Variants in STYX observed in about 807,000 individuals in gnomAD.
The protein encoded by STYX is serine/threonine/tyrosine interacting protein.
A neutral mutation model predicts 42.7 loss-of-function variants in STYX; 20 were observed. The observed-to-expected ratio is 0.47, with a 90% CI of 0.33 to 0.68. STYX has a LOEUF of 0.68. STYX is among the 30% of genes least tolerant of loss of function. The pLI is 0.02. For missense variants in STYX, 226 were observed against 268.5 expected, an observed-to-expected ratio of 0.84 and a Z score of 1.11; for synonymous variants, 78 against 81.9, an observed-to-expected ratio of 0.95 and a Z score of 0.26.
intron 3 of STYX, among the ~76,000 whole-genome samples, chr14:52,749,131 C>T (rs753167995): frequency 2.4e-4 from 36 of 152,302 alleles, no homozygotes; most frequent in Non-Finnish European, 3.5e-4. Flanking sequence ...GGTGAGGACC[C>T]TCTTGCTGGC....
chr14:52,748,529 G>C (rs961664758), intron 3 of STYX, among the ~76,000 whole-genome samples: 2 of 152,154 alleles, frequency 1.3e-5, no homozygotes, highest in African/African-American at 4.8e-5. Flanking sequence ...TAAACGGTTT[G>C]TTTTTGTAAA....
intron 1 of STYX, 131 bp from the exon 2 acceptor site, chr14:52,744,721 A>G (rs368433449): frequency 2.5e-6 from 2 of 811,930 alleles, no homozygotes; most frequent in Non-Finnish European, 1.9e-6. Context: ...CAAGTCTGCT[A>G]TTTTAATAAA....
At chr14:52,754,859 A>G (rs540362751) in intron 4 of STYX, among the ~76,000 whole-genome samples, 2 of 152,340 alleles carry the variant, frequency 1.3e-5, no homozygotes, top group Non-Finnish European at 2.9e-5. Context: ...TAATGGAAGA[A>G]CCATTTCTCC....
intron 1 of STYX, among the ~76,000 whole-genome samples, chr14:52,743,850 G>T (rs1881293047): frequency 6.6e-6 from 1 of 152,018 alleles, no homozygotes. Flanking sequence ...TTTAGACGGG[G>T]TCTCAGTCTG....
intron 10 of STYX, 42 bp from the exon 11 acceptor site, chr14:52,770,990 AT>A: frequency 6.3e-7 from 1 of 1,588,334 alleles, no homozygotes; most frequent in Non-Finnish European, 8.6e-7. Context: ...TTTAACATGA[AT>A]TTATTTTAGT....
chr14:52,750,175 A>T (rs1881554901), intron 3 of STYX, among the ~76,000 whole-genome samples: 1 of 152,204 alleles, frequency 6.6e-6, no homozygotes, highest in Non-Finnish European at 1.5e-5. Context: ...AAGGTTAATT[A>T]GATTCTGTGA....
intron 1 of STYX, among the ~76,000 whole-genome samples, chr14:52,736,051 C>T (rs1301657005): frequency 6.6e-6 from 1 of 152,170 alleles, no homozygotes; most frequent in Non-Finnish European, 1.5e-5. Context: ...TTGCTCCTTT[C>T]TCTGTAAGCC....
chr14:52,750,172 A>G (rs959077293), intron 3 of STYX, among the ~76,000 whole-genome samples: 5 of 152,182 alleles, frequency 3.3e-5, no homozygotes, highest in Admixed American at 2.6e-4. Context: ...TAAAAGGTTA[A>G]TTAGATTCTG....
At chr14:52,770,868 A>G (rs1882483737) in intron 10 of STYX, among the ~76,000 whole-genome samples, 165 bp from the exon 11 acceptor site, 1 of 152,134 alleles carries the variant, frequency 6.6e-6, no homozygotes, top group African/African-American at 2.4e-5. Context: ...AAAAGTTATA[A>G]TATTTAGGTA....
rs549026449 is a variant in STYX, at chr14:52,743,202, TA to T, written c.58-1639del. 6.7e-4 allele frequency among the ~76,000 whole-genome samples: 98 copies of T among 146,808 alleles called. 1 individual carries two copies. The highest frequency in any genetic ancestry group is 1.3e-3 in the African/African-American group (51 of 40,278). On this transcript the variant is annotated intron_variant, in intron 1 of 10. Transcript: ENST00000354586. Reference sequence around the variant, plus strand: ...AAAAATGTTTTCTGTTTCTCTTAGTTAAAAAAAAAAACCTGTCTCTCATTGT... The same window carrying T: ...AAAAATGTTTTCTGTTTCTCTTAGTTAAAAAAAAAACCTGTCTCTCATTGT...
At chr14:52,759,025 A>C (rs2139921766) in intron 8 of STYX, among the ~76,000 whole-genome samples, 1 of 152,334 alleles carries the variant, frequency 6.6e-6, no homozygotes, top group African/African-American at 2.4e-5. Context: ...CAGTACTATT[A>C]TAGGCACTTT....
intron 1 of STYX, among the ~76,000 whole-genome samples, chr14:52,734,273 T>A (rs1388338282): frequency 6.6e-6 from 1 of 152,042 alleles, no homozygotes. Flanking sequence ...GAAGTCGGGG[T>A]GAAACAGCCT....
At chr14:52,735,700 C>T (rs1238681463) in intron 1 of STYX, among the ~76,000 whole-genome samples, 1 of 152,124 alleles carries the variant, frequency 6.6e-6, no homozygotes, top group Non-Finnish European at 1.5e-5. Context: ...CCTGGAAATC[C>T]AAATTACAGA....
intron 4 of STYX, among the ~76,000 whole-genome samples, chr14:52,751,498 A>T (rs1288252438): frequency 1.3e-5 from 2 of 151,744 alleles, no homozygotes; most frequent in East Asian, 3.8e-4. Context: ...GATGTTGCAG[A>T]TTGTTTTCCA....
intron 1 of STYX, among the ~76,000 whole-genome samples, chr14:52,743,529 C>T (rs1336595228): frequency 3.9e-5 from 6 of 151,954 alleles, no homozygotes; most frequent in East Asian, 1.9e-4. Flanking sequence ...TGCATTGAGC[C>T]GAGATCGCGC....
intron 1 of STYX, among the ~76,000 whole-genome samples, chr14:52,735,755 G>C (rs546497238): frequency 6.6e-6 from 1 of 152,260 alleles, no homozygotes; most frequent in South Asian, 2.1e-4. Context: ...TTCAGGGAAT[G>C]CTTTTAATGT....
intron 1 of STYX, among the ~76,000 whole-genome samples, chr14:52,744,498 G>C (rs1340467933): frequency 3.9e-5 from 6 of 152,080 alleles, no homozygotes; most frequent in Admixed American, 3.9e-4. Context: ...CAGTTGATTA[G>C]AGTTGGCATG....
chr14:52,732,615 T>TA, intron 1 of STYX, among the ~76,000 whole-genome samples: 1 of 152,070 alleles, frequency 6.6e-6, no homozygotes, highest in East Asian at 1.9e-4. Context: ...AGGCTAGTTA[T>TA]AAAAATGAAT....
At position 52,745,931 on chromosome 14, in the gene STYX, G is replaced by C. The variant is rs1881378192; in HGVS notation, c.91-495G>C. On this transcript the variant is annotated intron_variant, in intron 2 of 10. Transcript: ENST00000354586. ...ATCAGTTTTATATACAAATAATTAT[G>C]ACTTATAGAACTGAACTATAAAGTT... is the stretch of plus-strand genomic sequence containing the variant. 2.0e-5 allele frequency among the ~76,000 whole-genome samples: 3 copies of C among 152,264 alleles called. No individual in the cohort carries two copies. The South Asian group carries it at 6.2e-4, about 32-fold the overall frequency.
Sources: gnomAD v4.1 joint callset for allele counts (sites outside exome capture counted in the v4.1 genomes callset) on GRCh38, gnomAD v4.1.1 for gene constraint, MANE v1.5 for transcripts, NCBI Gene and HGNC (gene_info 2026-07-23, HGNC 2026-07-21) for gene names.